Variants in EBF1 observed in about 807,000 individuals in gnomAD.
The protein encoded by EBF1 is transcription factor COE1.
Under a neutral mutation model 68.4 loss-of-function variants are expected in EBF1, and 10 were observed. The observed-to-expected ratio is 0.15, with a 90% CI of 0.09 to 0.25. The LOEUF (loss-of-function observed/expected upper bound fraction) is 0.25, where lower values mean the gene tolerates loss of function less well. Among genes scored for constraint, EBF1 ranks in the 10% least tolerant of loss-of-function variants. The probability of loss-of-function intolerance (pLI) is 1.00; values close to 1 mark genes in which losing one functional copy is unlikely to be tolerated. For missense variants in EBF1, 509 were observed against 794.4 expected (o/e 0.64, Z 4.32); for synonymous variants, 298 against 299.8 (o/e 0.99, Z 0.06).
chr5:159,013,138 A>G (rs1764994516), intron 6 of EBF1, among the ~76,000 whole-genome samples: 1 of 152,212 alleles, frequency 6.6e-6, no homozygotes, highest in Non-Finnish European at 1.5e-5. Flanking sequence ...AGCTTTAAAT[A>G]TATATTTATA....
chr5:158,953,343 G>C (rs1313225945), intron 6 of EBF1, among the ~76,000 whole-genome samples: 1 of 152,054 alleles, frequency 6.6e-6, no homozygotes, highest in East Asian at 1.9e-4. Context: ...ATTATGACAG[G>C]CCGCGATTTT....
chr5:159,023,631 GA>G (rs1468305239), intron 6 of EBF1, among the ~76,000 whole-genome samples: 1 of 152,170 alleles, frequency 6.6e-6, no homozygotes, highest in Non-Finnish European at 1.5e-5. Context: ...GATTGGAAAG[GA>G]AGATGTTTGT....
intron 9 of EBF1, among the ~76,000 whole-genome samples, chr5:158,783,068 C>A (rs1381028114): frequency 6.6e-6 from 1 of 152,024 alleles, no homozygotes; most frequent in East Asian, 1.9e-4. Context: ...AAGTATGCCA[C>A]ACAAGATCTT....
chr5:158,771,125 C>T (rs1773783097), intron 10 of EBF1, among the ~76,000 whole-genome samples: 1 of 152,076 alleles, frequency 6.6e-6, no homozygotes, highest in Non-Finnish European at 1.5e-5. Context: ...GAAACAATGT[C>T]TTTACTCATA....
chr5:158,730,989 T>A lies in EBF1; in HGVS notation c.1125+80A>T. The A allele has an allele frequency of 2.2e-5, 29 of 1,336,270 alleles. 2 individuals are homozygous for A. In the South Asian group the frequency reaches 3.7e-4, roughly 17 times the overall value. The allele number at this position is 1,336,270 out of a possible 1,614,324, so 82.8% of individuals were successfully genotyped here. ...AAATATGAGTTGTTTACCTGTGAAC[T>A]AATTTTTATCAGCAGCAGAGTTTTC... On this transcript the variant is annotated intron_variant, in intron 11 of 15. Coordinates refer to ENST00000313708, the MANE Select transcript of EBF1 (RefSeq NM_024007.5).
At chr5:159,077,430 G>A (rs73305725) in intron 5 of EBF1, among the ~76,000 whole-genome samples, 3,346 of 152,108 alleles carry the variant, frequency 0.022, 131 homozygotes, top group African/African-American at 0.074. Flanking sequence ...GCAAAACTCC[G>A]TCTCAAAAAG....
chr5:158,955,147 A>G (rs1473243464), intron 6 of EBF1, among the ~76,000 whole-genome samples: 2 of 152,026 alleles, frequency 1.3e-5, no homozygotes, highest in Non-Finnish European at 2.9e-5. Flanking sequence ...ACATGGTGAA[A>G]CCCCATCTCT....
At chr5:159,008,473 G>A (rs970783067) in intron 6 of EBF1, among the ~76,000 whole-genome samples, 10 of 150,952 alleles carry the variant, frequency 6.6e-5, no homozygotes, top group Non-Finnish European at 1.2e-4. Context: ...GAGTTGGTGT[G>A]AATAAATCAT....
intron 6 of EBF1, among the ~76,000 whole-genome samples, chr5:159,005,552 G>A (rs1763392482): frequency 6.6e-6 from 1 of 152,140 alleles, no homozygotes; most frequent in Admixed American, 6.5e-5. Flanking sequence ...AGTTTGGATA[G>A]CGTTTTATAT....
intron 15 of EBF1, among the ~76,000 whole-genome samples, chr5:158,700,924 G>T (rs1756615147): frequency 1.3e-5 from 2 of 152,144 alleles, no homozygotes; most frequent in Admixed American, 1.3e-4. Context: ...TGGAAATGCA[G>T]TCCCCCTAAG....
intron 6 of EBF1, among the ~76,000 whole-genome samples, chr5:158,856,509 T>C (rs1417317399): frequency 2.6e-5 from 4 of 152,206 alleles, no homozygotes; most frequent in Non-Finnish European, 5.9e-5. Flanking sequence ...CCAATTTCCT[T>C]TGATGATGGT....
At chr5:158,865,855 A>T (rs1389502945) in intron 6 of EBF1, among the ~76,000 whole-genome samples, 2 of 152,250 alleles carry the variant, frequency 1.3e-5, no homozygotes, top group Non-Finnish European at 2.9e-5. Context: ...TGCTGCAAAT[A>T]CTTAAAGAAT....
intron 6 of EBF1, among the ~76,000 whole-genome samples, chr5:158,860,033 G>A (rs945518846): frequency 6.6e-6 from 1 of 152,240 alleles, no homozygotes; most frequent in Middle Eastern, 3.4e-3. Flanking sequence ...TTCACTTTGG[G>A]ATCTCCATAA....
In EBF1 at chr5:158,905,569, T is replaced by C. The variant is rs369897216; in HGVS notation, c.555-65459A>G. On this transcript the variant is annotated intron_variant, in intron 6 of 15. Transcript: ENST00000313708. ...GTGTCATATTTATCTTACTGAAAAATGGGCCCATAAATGCATATTACCTTT... is the reference window on the plus strand; with the variant it reads ...GTGTCATATTTATCTTACTGAAAAACGGGCCCATAAATGCATATTACCTTT... Among the ~76,000 whole-genome samples the C allele has an allele frequency of 2.0e-3, 311 of 152,290 alleles. 3 individuals are homozygous for C. Among genetic ancestry groups the C allele is most frequent in the African/African-American group, 7.3e-3 (304 of 41,556 alleles).
chr5:158,873,103 C>T (rs1226071876), intron 6 of EBF1, among the ~76,000 whole-genome samples: 1 of 140,598 alleles, frequency 7.1e-6, no homozygotes, highest in Non-Finnish European at 1.5e-5. Flanking sequence ...TAGTCAATTT[C>T]TCCCTCAACT....
At chr5:159,070,620 G>C (rs915447485) in intron 6 of EBF1, among the ~76,000 whole-genome samples, 3 of 152,110 alleles carry the variant, frequency 2.0e-5, no homozygotes, top group Non-Finnish European at 4.4e-5. Flanking sequence ...TCTTTTGACT[G>C]ATAAAAATAG....
intron 8 of EBF1, among the ~76,000 whole-genome samples, chr5:158,822,274 A>T (rs928644793): frequency 1.3e-5 from 1 of 77,470 alleles, no homozygotes; most frequent in African/African-American, 3.2e-5. Context: ...GGACGGATGG[A>T]TGGATGGATG....
intron 6 of EBF1, among the ~76,000 whole-genome samples, chr5:158,876,174 G>T (rs955721183): frequency 2.0e-5 from 3 of 152,124 alleles, no homozygotes; most frequent in Non-Finnish European, 2.9e-5. Flanking sequence ...ATATTAGCAG[G>T]AACAAAAATC....
At chr5:158,888,061 G>C (rs1351071578) in intron 6 of EBF1, among the ~76,000 whole-genome samples, 1 of 152,180 alleles carries the variant, frequency 6.6e-6, no homozygotes, top group Non-Finnish European at 1.5e-5. Flanking sequence ...TTGGAGTAAA[G>C]CTGGCAGGTG....
Sources: gnomAD v4.1 joint callset for allele counts (sites outside exome capture counted in the v4.1 genomes callset) on GRCh38, gnomAD v4.1.1 for gene constraint, MANE v1.5 for transcripts, NCBI Gene and HGNC (gene_info 2026-07-23, HGNC 2026-07-21) for gene names.